The following ARHGAP39 variants were observed in gnomAD, a reference collection of about 807,000 sequenced individuals.
ARHGAP39 encodes the protein Rho GTPase activating protein 39.
ARHGAP39 carries 44 observed loss-of-function variants against 106.9 expected under a neutral mutation model. The observed-to-expected ratio is 0.41, with a 90% confidence interval of 0.32 to 0.53. The LOEUF (loss-of-function observed/expected upper bound fraction) is 0.53, where lower values mean the gene tolerates loss of function less well. ARHGAP39 is among the 20% of genes least tolerant of loss of function. ARHGAP39 has a pLI of 0.21. For missense variants in ARHGAP39, 1,496 were observed against 1,577.3 expected (o/e 0.95, Z 0.87); for synonymous variants, 768 against 693.2 (o/e 1.11, Z -1.69).
In ARHGAP39 at chr8:144,679,777, G is replaced by C. The variant is rs570095455; in HGVS notation, c.-82+5909C>G. Among the ~76,000 whole-genome samples the C allele has an allele frequency of 2.0e-5, 3 of 152,246 alleles. No homozygotes were observed. Among genetic ancestry groups the C allele is most frequent in the South Asian group, 4.1e-4 (2 of 4,826 alleles). Reference sequence around the variant, plus strand: ...GGGCGGATCACGAGGTCAGGAGATCGAGACCATCCTGGCTAACACAGTGAA... The same window carrying C: ...GGGCGGATCACGAGGTCAGGAGATCCAGACCATCCTGGCTAACACAGTGAA... On this transcript the variant is annotated intron_variant, in intron 1 of 11. Transcript: ENST00000377307. This position sits in a 1 kb window ranked among gnomAD's most constrained non-coding sequence, Gnocchi z 4.7.
At chr8:144,673,796 G>C (rs1370488765) in intron 1 of ARHGAP39, among the ~76,000 whole-genome samples, 9 of 152,248 alleles carry the variant, frequency 5.9e-5, no homozygotes, top group African/African-American at 1.9e-4. Flanking sequence ...GTGCAAGCCA[G>C]GTGCAAAGTG....
chr8:144,585,654 C>T lies in ARHGAP39; in HGVS notation c.81-4377G>A, dbSNP rs111655456. 6.6e-6 allele frequency among the ~76,000 whole-genome samples: 1 copy of T among 152,094 alleles called. No individual in the cohort carries two copies. Among genetic ancestry groups the T allele is most frequent in the Non-Finnish European group, 1.5e-5 (1 of 68,004 alleles). ...CTCAGCACTCTAGGGAGAGAGGATT[C>T]AGGCTTGGCGGGGCCAGGACCTCCC... On this transcript the variant is annotated intron_variant, in intron 2 of 11. Coordinates refer to ENST00000377307, the MANE Select transcript of ARHGAP39 (RefSeq NM_025251.3). This position sits in a 1 kb window ranked among gnomAD's most constrained non-coding sequence, Gnocchi z 4.6.
chr8:144,576,778 T>G (rs1010502610), intron 3 of ARHGAP39, among the ~76,000 whole-genome samples: 1 of 152,198 alleles, frequency 6.6e-6, no homozygotes, highest in Admixed American at 6.5e-5. Flanking sequence ...GGGAGAGTTA[T>G]TTTTAAAATG....
intron 2 of ARHGAP39, among the ~76,000 whole-genome samples, chr8:144,600,845 G>A (rs1206610298): frequency 3.3e-5 from 5 of 149,424 alleles, no homozygotes. Context: ...GTGTGCTCGT[G>A]TACCTGTGTG....
intron 1 of ARHGAP39, among the ~76,000 whole-genome samples, chr8:144,643,955 T>C (rs538448933): frequency 7.2e-5 from 11 of 152,174 alleles, no homozygotes; most frequent in African/African-American, 1.2e-4. Context: ...ACAAAAGTGT[T>C]GGCAAGAATG....
At chr8:144,556,526 A>G (rs553584698) in intron 3 of ARHGAP39, among the ~76,000 whole-genome samples, 2 of 152,196 alleles carry the variant, frequency 1.3e-5, no homozygotes, top group South Asian at 4.1e-4. Flanking sequence ...CAAGGCCTTC[A>G]TAGTATTCAG....
At chr8:144,660,313 A>G (rs1480751346) in intron 1 of ARHGAP39, among the ~76,000 whole-genome samples, 1 of 152,194 alleles carries the variant, frequency 6.6e-6, no homozygotes, top group African/African-American at 2.4e-5. Context: ...AAGATTATTC[A>G]TGCTTTCAGC....
intron 2 of ARHGAP39, 63 bp from the exon 3 acceptor site, chr8:144,581,340 C>G: frequency 6.9e-7 from 1 of 1,457,164 alleles, no homozygotes. Context: ...CCTCCCACCC[C>G]TGCAGACCCC....
rs1367663818 is a variant in ARHGAP39, at chr8:144,620,845, G to A, written c.-81-15150C>T. On this transcript the variant is annotated intron_variant, in intron 1 of 11. Coordinates refer to ENST00000377307, the MANE Select transcript of ARHGAP39 (RefSeq NM_025251.3). Reference sequence around the variant, plus strand: ...TGTGAGTACAGAAGAGGGGCCGTGAGGACCGGCAGGAATCCCTGGGGCCAA... The same window carrying A: ...TGTGAGTACAGAAGAGGGGCCGTGAAGACCGGCAGGAATCCCTGGGGCCAA... Among the ~76,000 whole-genome samples the A allele has an allele frequency of 2.0e-5, 3 of 152,384 alleles. No homozygotes were observed. The South Asian group carries it at 6.2e-4, about 32-fold the overall frequency.
intron 3 of ARHGAP39, among the ~76,000 whole-genome samples, chr8:144,566,083 G>A (rs560381871): frequency 1.1e-4 from 17 of 151,004 alleles, no homozygotes; most frequent in Middle Eastern, 3.4e-3. Context: ...TACAGAGCGA[G>A]ACCCTGTCTC....
Position 144,547,175 on chromosome 8 carries a change from G to T in ARHGAP39, c.1911C>A (p.Ser637=). The T allele has an allele frequency of 6.2e-7, 1 of 1,611,568 alleles. No individual in the cohort carries two copies. The highest frequency in any genetic ancestry group is 8.5e-7 in the Non-Finnish European group (1 of 1,179,326). The change falls in exon 5 of 12, where the codon TCC becomes TCA. Residue 637 remains serine, a synonymous_variant. Transcript: ENST00000377307. This position sits in a 1 kb window ranked among gnomAD's most constrained non-coding sequence, Gnocchi z 5.2. ...CTGGTGAGGCCAGGTTGGTCTGCACGGAGACGCTCTTCTCCAGCAGGATCT... is the reference window on the plus strand; with the variant it reads ...CTGGTGAGGCCAGGTTGGTCTGCACTGAGACGCTCTTCTCCAGCAGGATCT... The part of the protein sequence containing the change: ...FPQILLEKSV[S]VQTNLASPEP...
intron 1 of ARHGAP39, among the ~76,000 whole-genome samples, chr8:144,632,812 T>C (rs1473480763): frequency 6.6e-6 from 1 of 152,164 alleles, no homozygotes; most frequent in African/African-American, 2.4e-5. Context: ...ACTCCAAAAA[T>C]GCTGTCAAAG....
At chr8:144,689,741 A>ATTT (rs71320838), upstream of ARHGAP39, among the ~76,000 whole-genome samples, 5 of 119,910 alleles carry the variant, frequency 4.2e-5, no homozygotes, top group African/African-American at 1.3e-4. Context: ...CACCTGACTA[A>ATTT]TTTTTTTTTT....
intron 1 of ARHGAP39, among the ~76,000 whole-genome samples, chr8:144,656,807 C>CAAAA (rs35058065): frequency 0.25 from 10,591 of 42,300 alleles, 2,841 homozygotes; most frequent in Non-Finnish European, 0.34. Context: ...GACTCCATCT[C>CAAAA]AAAAAAAAAA....
chr8:144,603,840 C>T lies in ARHGAP39; in HGVS notation c.80+1695G>A, dbSNP rs887708832. On this transcript the variant is annotated intron_variant, in intron 2 of 11. Transcript: ENST00000377307. ...ACAAACAGCTGATTCCAAGGCTGAG[C>T]AGGGCAGCTGTGCCAGGAGGAAGCT... is the stretch of plus-strand genomic sequence containing the variant. Among the ~76,000 whole-genome samples the T allele has an allele frequency of 6.6e-5, 10 of 152,260 alleles. No homozygotes were observed. The South Asian group carries it at 1.9e-3, about 28-fold the overall frequency.
intron 2 of ARHGAP39, among the ~76,000 whole-genome samples, chr8:144,601,010 G>A (rs541446698): frequency 3.2e-4 from 48 of 148,602 alleles, no homozygotes; most frequent in Non-Finnish European, 6.2e-4. Flanking sequence ...ACCTGTGTGT[G>A]TGCGTGGAGG....
At chr8:144,622,695 T>G (rs1204564758) in intron 1 of ARHGAP39, among the ~76,000 whole-genome samples, 1 of 152,244 alleles carries the variant, frequency 6.6e-6, no homozygotes, top group Non-Finnish European at 1.5e-5. Flanking sequence ...GTAAGATATA[T>G]TTTTAAAAAC....
rs947642543 is a variant in ARHGAP39, at chr8:144,645,121, A to G, written c.-81-39426T>C. Among the ~76,000 whole-genome samples the G allele has an allele frequency of 2.6e-5, 4 of 152,334 alleles. No individual in the cohort carries two copies. Among genetic ancestry groups the G allele is most frequent in the African/African-American group, 9.6e-5 (4 of 41,588 alleles). ...AGTTAAACTGCAACTCTCTAACAAG[A>G]AGTGGGTCCTAAGCCTGGCTCTGCA... is the stretch of plus-strand genomic sequence containing the variant. On this transcript the variant is annotated intron_variant, in intron 1 of 11. Coordinates refer to ENST00000377307, the MANE Select transcript of ARHGAP39 (RefSeq NM_025251.3). The surrounding 1 kb of genome is among the most constrained non-coding windows in gnomAD (Gnocchi z 4.4).
upstream of ARHGAP39, among the ~76,000 whole-genome samples, chr8:144,688,410 C>T (rs1428104185): frequency 6.6e-6 from 1 of 152,138 alleles, no homozygotes; most frequent in Non-Finnish European, 1.5e-5. Context: ...TGGCCAAGGA[C>T]ACTTAACTCT....
Sources: allele counts gnomAD v4.1 joint callset (sites outside exome capture counted in the v4.1 genomes callset), GRCh38; gene constraint gnomAD v4.1.1; non-coding constraint Gnocchi (gnomAD v3.1); transcripts MANE v1.5; gene names NCBI Gene and HGNC (gene_info 2026-07-23, HGNC 2026-07-21).